Variants in TTN observed in about 807,000 individuals in gnomAD.
TTN encodes the protein titin.
In TTN, 1,525 loss-of-function variants were observed where a neutral mutation model predicts 3,223.0. The ratio of observed to expected loss-of-function variants is 0.47; its 90% confidence interval spans 0.45 to 0.49. The LOEUF (loss-of-function observed/expected upper bound fraction) is 0.49, where lower values mean the gene tolerates loss of function less well. Among genes scored for constraint, TTN ranks in the 20% least tolerant of loss-of-function variants. TTN has a pLI of 0.00. For synonymous variants in TTN, 14,094 were observed against 15,161.0 expected (o/e 0.93, Z 5.17); for missense variants, 40,786 against 43,424.0 (o/e 0.94, Z 5.40).
rs1393772567 is a variant in TTN at position 178,739,888 on chromosome 2, T to G, written c.13345A>C (p.Lys4449Gln). Residue 4449 changes from lysine to glutamine, a missense_variant, in exon 48 of 363, where the codon AAG (lysine) becomes CAG (glutamine). Coordinates refer to ENST00000589042, the MANE Select transcript of TTN (RefSeq NM_001267550.2). ...ATGGTTACTTCTTCTGTTACAGACTTTGCCGAAGTAACAAGGTACATGCAC... is the reference window on the plus strand; with the variant it reads ...ATGGTTACTTCTTCTGTTACAGACTGTGCCGAAGTAACAAGGTACATGCAC... ...IMCMYLVTSA[K>Q]SVTEEVTIII... is the part of the protein sequence containing the mutation. The G allele has an allele frequency of 6.2e-7, 1 of 1,613,894 alleles. No individual in the cohort carries two copies. The highest frequency in any genetic ancestry group is 2.2e-5 in the East Asian group (1 of 44,852).
Position 178,678,751 on chromosome 2 carries a change from G to T in TTN, c.33822C>A (p.Ala11274=). Residue 11274 remains alanine, a synonymous_variant, in exon 143 of 363, where the codon GCC becomes GCA. Coordinates refer to ENST00000589042, the MANE Select transcript of TTN (RefSeq NM_001267550.2). ...CAACATTGCAAGTTCATGTACCTTT[G>T]GCAGGTGGAGCTTCCACCTTTTTAG... The part of the protein sequence containing the change: ...PVPKKVEAPP[A]KVPEVPKKPV... 1.3e-6 allele frequency: 2 copies of T among 1,597,132 alleles called. No homozygotes were observed. Among genetic ancestry groups the T allele is most frequent in the Non-Finnish European group, 8.5e-7 (1 of 1,174,016 alleles).
intron 3 of TTN, among the ~76,000 whole-genome samples, chr2:178,801,519 T>A (rs3769860): frequency 0.045 from 6,880 of 152,268 alleles, 287 homozygotes; most frequent in Admixed American, 0.14. Flanking sequence ...TAACTTTACG[T>A]AGCTCATGTA....
At position 178,613,830 on chromosome 2, in the gene TTN, A is replaced by G. The variant is rs1362326640; in HGVS notation, c.49453T>C (p.Tyr16485His). Residue 16485 changes from tyrosine to histidine, a missense_variant, in exon 263 of 363, where the codon TAC becomes CAC. Transcript: ENST00000589042. ...DDDGGSPITG[Y>H]WVERLDPDTD... ...TCAGGATCCAGTCTTTCAACCCAGT[A>G]TCCTGTGATTGGGCTGCCACCATCA... The G allele has an allele frequency of 1.2e-6, 2 of 1,612,562 alleles. No homozygotes were observed. Among genetic ancestry groups the G allele is most frequent in the Non-Finnish European group, 1.7e-6 (2 of 1,179,086 alleles).
rs1303764636 is a variant in TTN, at chr2:178,548,266, A to T, written c.93360T>A (p.Leu31120=). The T allele has an allele frequency of 6.2e-7, 1 of 1,613,766 alleles. No individual in the cohort carries two copies. The highest frequency in any genetic ancestry group is 1.7e-4 in the Middle Eastern group (1 of 6,060). The change falls in exon 339 of 363, where the codon CTT becomes CTA. Residue 31120 remains leucine (L), a synonymous_variant. Transcript: ENST00000589042. This position sits in a 1 kb window ranked among gnomAD's most constrained non-coding sequence, Gnocchi z 4.3. ...ATEQPAPPRR[L]DVVDTSKSSA... is the part of the protein sequence containing the mutation. ...AGGATTTGCTAGTATCAACAACATC[A>T]AGTCTCCTAGGTGGAGCAGGCTGTT...
In TTN at chr2:178,711,068, G is replaced by T; in HGVS notation, c.28168C>A (p.Leu9390Ile). Reference sequence around the variant, plus strand: ...AGTTTAAGAATCCACAAACCTGTGAGAATGAGCCTGGCACTGGAAGAAGCA... The same window carrying T: ...AGTTTAAGAATCCACAAACCTGTGATAATGAGCCTGGCACTGGAAGAAGCA... ...GSASSSARLI[L>I]TEGKNPPFFD... is the part of the protein sequence containing the mutation. The change falls in exon 97 of 363, where the codon CTC (leucine) becomes ATC (isoleucine). Residue 9390 changes from leucine to isoleucine, a missense_variant. Transcript: ENST00000589042. The T allele has an allele frequency of 6.3e-7, 1 of 1,580,120 alleles. No individual in the cohort carries two copies. The highest frequency in any genetic ancestry group is 1.2e-5 in the South Asian group (1 of 84,950).
chr2:178,633,921 C>T lies in TTN; in HGVS notation c.42578G>A (p.Gly14193Asp). 6.2e-7 allele frequency: 1 copy of T among 1,613,364 alleles called. No individual in the cohort carries two copies. Among genetic ancestry groups the T allele is most frequent in the Non-Finnish European group, 8.5e-7 (1 of 1,179,560 alleles). ...TTTCATTTCCAATTTGTGAGTCTTG[C>T]CCTCAGAAGAGATGAGTACTGTTCT... ...TSRTVLISSEGKTHKLEMKEV... is the reference protein window; with the variant it reads ...TSRTVLISSEDKTHKLEMKEV... The change falls in exon 231 of 363, where the codon GGC (glycine) becomes GAC (aspartate). Residue 14193 changes from glycine to aspartate, a missense_variant. By Grantham distance (94) the Gly-to-Asp change is moderately conservative. Transcript: ENST00000589042.
chr2:178,584,297 C>A lies in TTN; in HGVS notation c.65254G>T (p.Val21752Leu). Reference sequence around the variant, plus strand: ...TTACCAACTGGCATTCTTGCAGTTACATATTCTGTGGGTTTGCTGGGTGGG... The same window carrying A: ...TTACCAACTGGCATTCTTGCAGTTAAATATTCTGTGGGTTTGCTGGGTGGG... Reference protein sequence around the residue: ...SSPPSKPTEYVTARMPVDPPG... With the variant: ...SSPPSKPTEYLTARMPVDPPG... Residue 21752 changes from valine (V) to leucine (L), a missense_variant, in exon 311 of 363, where the codon GTA becomes TTA. Transcript: ENST00000589042. 15 of 1,583,660 alleles carry A rather than the reference C, an allele frequency of 9.5e-6. No homozygotes were observed. The highest frequency in any genetic ancestry group is 1.3e-5 in the Non-Finnish European group (15 of 1,162,422).
At chr2:178,677,399 A>G in intron 146 of TTN, 112 bp from the exon 147 acceptor site, 1 of 572,858 alleles carries the variant, frequency 1.7e-6, no homozygotes, top group Non-Finnish European at 2.5e-6. Context: ...AAACATGTAA[A>G]CATAATATGT....
At chr2:178,606,370 T>C (rs2054818985) in intron 278 of TTN, among the ~76,000 whole-genome samples, 1 of 151,694 alleles carries the variant, frequency 6.6e-6, no homozygotes, top group South Asian at 2.1e-4. Flanking sequence ...TGATATAGGA[T>C]GTATTTTTTT....
In TTN at chr2:178,535,452, G is replaced by A; in HGVS notation, c.101163C>T (p.Ile33721=). Residue 33721 remains isoleucine (I), a synonymous_variant, in exon 358 of 363, where the codon ATC becomes ATT. Transcript: ENST00000589042. ...CACATTTTTCAACAATGTAGTTGGT[G>A]ATTTTGCTGCCACCATCAGAGGCTG... is the stretch of plus-strand genomic sequence containing the variant. ...TEPASDGGSK[I]TNYIVEKCAT... The A allele has an allele frequency of 6.2e-7, 1 of 1,613,922 alleles. No individual in the cohort carries two copies. Among genetic ancestry groups the A allele is most frequent in the Non-Finnish European group, 8.5e-7 (1 of 1,179,842 alleles).
chr2:178,602,088 G>T lies in TTN; in HGVS notation c.55183C>A (p.Gln18395Lys). The change falls in exon 284 of 363, where the codon CAG (glutamine) becomes AAG (lysine). Residue 18395 changes from glutamine to lysine, a missense_variant. Gln to Lys is a moderately conservative substitution (Grantham distance 53). Transcript: ENST00000589042. Reference protein sequence around the residue: ...QDCLVCKAGSQIRIPAVIKGR... With the variant: ...QDCLVCKAGSKIRIPAVIKGR... ...TTGATGACAGCAGGAATCCTAATCTGTGAGCCAGCTTTACAAACCAGACAG... is the reference window on the plus strand; with the variant it reads ...TTGATGACAGCAGGAATCCTAATCTTTGAGCCAGCTTTACAAACCAGACAG... 6.2e-7 allele frequency: 1 copy of T among 1,612,586 alleles called. No individual in the cohort carries two copies. The highest frequency in any genetic ancestry group is 8.5e-7 in the Non-Finnish European group (1 of 1,179,168).
At chr2:178,747,900 G>T in intron 47 of TTN, 1 of 1,613,176 alleles carries the variant, frequency 6.2e-7, no homozygotes, top group East Asian at 2.2e-5. Context: ...GTCATCAAGA[G>T]TGGGAAGCAC....
At chr2:178,635,815 T>G (rs555011660) in intron 226 of TTN, 100 bp from the exon 227 acceptor site, 1 of 1,513,108 alleles carries the variant, frequency 6.6e-7, no homozygotes, top group Non-Finnish European at 8.9e-7. Flanking sequence ...TTCACAATAC[T>G]GGGCATAATT....
intron 240 of TTN, among the ~76,000 whole-genome samples, chr2:178,627,862 C>G (rs1159604124): frequency 6.6e-6 from 1 of 151,958 alleles, no homozygotes; most frequent in Admixed American, 6.6e-5. Flanking sequence ...ATTTGCAGAT[C>G]TAGAAAGAAT....
chr2:178,786,613 G>A (rs2154352011), intron 13 of TTN, among the ~76,000 whole-genome samples: 1 of 152,252 alleles, frequency 6.6e-6, no homozygotes, highest in East Asian at 1.9e-4. Flanking sequence ...AAAAATCAGT[G>A]ACTACAGAGT....
chr2:178,770,327 G>A lies in TTN; in HGVS notation c.8381-7C>T. 1.2e-6 allele frequency: 2 copies of A among 1,614,110 alleles called. No homozygotes were observed. Among genetic ancestry groups the A allele is most frequent in the Non-Finnish European group, 1.7e-6 (2 of 1,180,010 alleles). ...TTTTTAATGATCTTGACAGCTAAGAGGAAAATTGGAGCAATTCAGTGATAG... is the reference window on the plus strand; with the variant it reads ...TTTTTAATGATCTTGACAGCTAAGAAGAAAATTGGAGCAATTCAGTGATAG... On this transcript the variant is annotated splice_polypyrimidine_tract_variant and splice_region_variant and intron_variant, in intron 35 of 362. Transcript: ENST00000589042.
Position 178,724,753 on chromosome 2 carries a change from TG to T in TTN, c.20837-216del, listed in dbSNP as rs142628919. The T allele has an allele frequency of 8.5e-3, 3,805 of 449,806 alleles. 94 individuals are homozygous for T. The highest frequency in any genetic ancestry group is 0.068 in the African/African-American group (3,234 of 47,254). The allele number at this position is 449,806 out of a possible 1,614,324, so 27.9% of individuals were successfully genotyped here. On this transcript the variant is annotated intron_variant, in intron 71 of 362. Coordinates refer to ENST00000589042, the MANE Select transcript of TTN (RefSeq NM_001267550.2). ...TCTTTTCAGTTTTTTCTTTATTTTT[TG>T]TTTTTCCCACCACTCTTGCTGTCGT...
Position 178,541,535 on chromosome 2 carries a change from A to G in TTN, c.97542T>C (p.Asp32514=), listed in dbSNP as rs373909743. 2.2e-5 allele frequency: 36 copies of G among 1,612,812 alleles called. No homozygotes were observed. In the South Asian group the frequency reaches 3.4e-4, roughly 15 times the overall value. Residue 32514 remains aspartate, a synonymous_variant, in exon 350 of 363, where the codon GAT becomes GAC. Coordinates refer to ENST00000589042, the MANE Select transcript of TTN (RefSeq NM_001267550.2). ...ETLQIFDVSR[D]GMTLTWYPPE... is the part of the protein sequence containing the mutation. ...GTGGGTACCAAGTAAGTGTCATGCC[A>G]TCACGGGAAACATCAAATATCTGTA... is the stretch of plus-strand genomic sequence containing the variant.
intron 96 of TTN, 115 bp from the exon 97 acceptor site, chr2:178,711,464 T>A: frequency 8.5e-7 from 1 of 1,180,232 alleles, no homozygotes; most frequent in Non-Finnish European, 1.2e-6. Flanking sequence ...CAGGAATTAT[T>A]AATGTCTCTT....
Sources: gnomAD v4.1 joint callset for allele counts (sites outside exome capture counted in the v4.1 genomes callset) on GRCh38, gnomAD v4.1.1 for gene constraint, Gnocchi (gnomAD v3.1) non-coding constraint, MANE v1.5 for transcripts, NCBI Gene and HGNC (gene_info 2026-07-23, HGNC 2026-07-21) for gene names.